Variants in FREM1 observed in about 807,000 individuals in gnomAD.
The protein encoded by FREM1 is FRAS1 related extracellular matrix 1, also known as FRAS1-related extracellular matrix protein 1.
Under a neutral mutation model 210.1 loss-of-function variants are expected in FREM1, and 220 were observed. The ratio of observed to expected loss-of-function variants is 1.05; its 90% CI spans 0.94 to 1.17. The LOEUF (loss-of-function observed/expected upper bound fraction) is 1.17. Among genes scored for constraint, FREM1 ranks in the 50% most tolerant of loss-of-function variants. The probability of loss-of-function intolerance (pLI) is 0.00; values close to 1 mark genes in which losing one functional copy is unlikely to be tolerated. For synonymous variants in FREM1, 1,189 were observed against 980.2 expected, an observed-to-expected ratio of 1.21 and a Z score of -3.98; for missense variants, 3,454 against 2,675.5, an observed-to-expected ratio of 1.29 and a Z score of -6.42.
chr9:14,749,990 A>G, intron 30 of FREM1, 137 bp downstream of exon 30: 1 of 870,782 alleles, frequency 1.1e-6, no homozygotes, highest in East Asian at 2.5e-5. Context: ...AAGGGCCTAC[A>G]TCACGACTGA....
chr9:14,889,485 C>T (rs558513256), intron 1 of FREM1, among the ~76,000 whole-genome samples: 43 of 152,042 alleles, frequency 2.8e-4, no homozygotes, highest in African/African-American at 1.0e-3. Flanking sequence ...GACCCATGGT[C>T]GTTAAATGCC....
intron 28 of FREM1, among the ~76,000 whole-genome samples, chr9:14,759,518 C>CAATAATAATAATAATAATAATAATAAT (rs6150928): frequency 0.27 from 38,225 of 142,726 alleles, 5,504 homozygotes; most frequent in East Asian, 0.39. Flanking sequence ...CTCAAAATAA[C>CAATAATAATAATAATAATAATAATAAT]AATAATAATA....
intron 9 of FREM1, 93 bp from the exon 10 acceptor site, chr9:14,841,682 G>A (rs1825721303): frequency 1.1e-6 from 1 of 932,442 alleles, no homozygotes; most frequent in Non-Finnish European, 1.5e-6. Context: ...AGTCTTATCT[G>A]TCTAGTACAT....
chr9:14,784,973 G>A (rs371099641), intron 23 of FREM1, among the ~76,000 whole-genome samples: 1 of 152,206 alleles, frequency 6.6e-6, no homozygotes, highest in Non-Finnish European at 1.5e-5. Flanking sequence ...CATAGCTCAA[G>A]AGAGTCTTGC....
chr9:14,758,741 T>C (rs1368746189), intron 28 of FREM1, among the ~76,000 whole-genome samples: 1 of 152,138 alleles, frequency 6.6e-6, no homozygotes, highest in Non-Finnish European at 1.5e-5. Context: ...AAGTGTTTCA[T>C]GCTCTCATTC....
In FREM1 at chr9:14,769,742, T is replaced by C. The variant is rs1211552660; in HGVS notation, c.5186A>G (p.Asn1729Ser). The change falls in exon 27 of 37, where the codon AAC becomes AGC. Residue 1729 changes from asparagine (N) to serine (S), a missense_variant. By Grantham distance (46) the Asn-to-Ser change is conservative. Coordinates refer to ENST00000380880, the MANE Select transcript of FREM1 (RefSeq NM_001379081.2). ...VEFQIMDPTG[N>S]SATPQILELK... ...AATTTACATTTGAGGAGTGGCCGAGTTCCCTGTGGGGTCCATGATTTGAAA... is the reference window on the plus strand; with the variant it reads ...AATTTACATTTGAGGAGTGGCCGAGCTCCCTGTGGGGTCCATGATTTGAAA... 1.2e-5 allele frequency: 19 copies of C among 1,612,462 alleles called. No individual in the cohort carries two copies. Among genetic ancestry groups the C allele is most frequent in the Non-Finnish European group, 1.6e-5 (19 of 1,179,032 alleles).
At chr9:14,892,762 C>T (rs1036907009) in intron 1 of FREM1, among the ~76,000 whole-genome samples, 2 of 152,082 alleles carry the variant, frequency 1.3e-5, no homozygotes, top group African/African-American at 4.8e-5. Context: ...TTTTCAGTGT[C>T]GCTGCAATGG....
intron 21 of FREM1, 108 bp downstream of exon 21, chr9:14,797,390 C>G (rs1320892092): frequency 1.3e-6 from 1 of 798,306 alleles, no homozygotes; most frequent in Non-Finnish European, 1.8e-6. Flanking sequence ...GTGACAGGAG[C>G]TAGCGAAGAC....
intron 1 of FREM1, among the ~76,000 whole-genome samples, chr9:14,880,375 G>A (rs1015005289): frequency 2.0e-5 from 3 of 152,058 alleles, no homozygotes; most frequent in East Asian, 3.9e-4. Context: ...AAGCCGAGGC[G>A]GGTGGATCAC....
chr9:14,884,955 C>G (rs75582888), intron 1 of FREM1, among the ~76,000 whole-genome samples: 20,789 of 111,320 alleles, frequency 0.19, 2,148 homozygotes, highest in Middle Eastern at 0.37. Context: ...GACGGAGTCT[C>G]GCTCTGTCGC....
intron 24 of FREM1, among the ~76,000 whole-genome samples, chr9:14,778,749 G>A (rs1350420012): frequency 7.0e-6 from 1 of 143,076 alleles, no homozygotes; most frequent in Non-Finnish European, 1.6e-5. Context: ...GGAAGGGAAG[G>A]AAAGGAAAGG....
At chr9:14,756,247 G>T in intron 29 of FREM1, 127 bp downstream of exon 29, 1 of 675,714 alleles carries the variant, frequency 1.5e-6, no homozygotes. Context: ...AGGTGGTATG[G>T]CTCCCTGAGG....
Position 14,806,709 on chromosome 9 carries a change from T to C in FREM1, c.3226A>G (p.Ile1076Val), listed in dbSNP as rs746253098. 3 of 1,603,936 alleles carry C rather than the reference T, an allele frequency of 1.9e-6. No individual in the cohort carries two copies. Among genetic ancestry groups the C allele is most frequent in the South Asian group, 1.1e-5 (1 of 88,488 alleles). The change falls in exon 18 of 37, where the codon ATA becomes GTA. Residue 1076 changes from isoleucine to valine, a missense_variant. Physicochemically the swap from Ile to Val is conservative, Grantham distance 29. Transcript: ENST00000380880. Reference sequence around the variant, plus strand: ...TTTTCAAAACCCACAGAAGGGAGTATATTTTCGAGGTAGCCAAACTGAGGA... The same window carrying C: ...TTTTCAAAACCCACAGAAGGGAGTACATTTTCGAGGTAGCCAAACTGAGGA... Reference protein sequence around the residue: ...SPPQFGYLENILPSVGFEKSN... With the variant: ...SPPQFGYLENVLPSVGFEKSN...
At chr9:14,813,165 T>C in intron 15 of FREM1, 101 bp from the exon 16 acceptor site, 2 of 1,253,042 alleles carry the variant, frequency 1.6e-6, no homozygotes, top group Non-Finnish European at 2.2e-6. Flanking sequence ...GGCATTTTCA[T>C]CTTACAGACA....
At chr9:14,792,431 A>G (rs2133071474) in intron 22 of FREM1, among the ~76,000 whole-genome samples, 1 of 152,246 alleles carries the variant, frequency 6.6e-6, no homozygotes, top group East Asian at 1.9e-4. Flanking sequence ...AAATGAAGAT[A>G]TCACAAAAGA....
intron 29 of FREM1, among the ~76,000 whole-genome samples, chr9:14,754,909 G>C (rs1374902087): frequency 6.6e-6 from 1 of 152,170 alleles, no homozygotes; most frequent in Admixed American, 6.5e-5. Flanking sequence ...ACTCCAGCCT[G>C]GGTGACGCAG....
In FREM1 at chr9:14,902,787, T is replaced by A. The variant is rs116371508; in HGVS notation, c.-268+7127A>T. Among the ~76,000 whole-genome samples, 938 of 152,304 alleles carry A rather than the reference T, an allele frequency of 6.2e-3. 8 individuals are homozygous for A. Among genetic ancestry groups the A allele is most frequent in the African/African-American group, 0.022 (901 of 41,568 alleles). ...GTCACCCCATCCTGCTGCCAAACTC[T>A]AAGTCCAGAGTATATTACAAACTGA... On this transcript the variant is annotated intron_variant, in intron 1 of 36. Coordinates refer to ENST00000380880, the MANE Select transcript of FREM1 (RefSeq NM_001379081.2).
Position 14,784,606 on chromosome 9 carries a change from G to C in FREM1, c.4206C>G (p.Leu1402=). ...KGDIVILTKP[L]VVSKGDRGFL... ...AACCTCTATCACCTTTAGACACCAC[G>C]AGTGGTTTTGTAAGGATGACAATAT... Residue 1402 remains leucine, a synonymous_variant, in exon 24 of 37, where the codon CTC becomes CTG. Coordinates refer to ENST00000380880, the MANE Select transcript of FREM1 (RefSeq NM_001379081.2). The C allele has an allele frequency of 6.3e-7, 1 of 1,595,124 alleles. No individual in the cohort carries two copies. The highest frequency in any genetic ancestry group is 8.6e-7 in the Non-Finnish European group (1 of 1,169,200).
intron 1 of FREM1, among the ~76,000 whole-genome samples, chr9:14,908,618 A>T (rs1487524453): frequency 6.6e-6 from 1 of 152,194 alleles, no homozygotes; most frequent in African/African-American, 2.4e-5. Flanking sequence ...CAAGCATGCA[A>T]AACCATGTTG....
Sources: allele counts gnomAD v4.1 joint callset (sites outside exome capture counted in the v4.1 genomes callset), GRCh38; gene constraint gnomAD v4.1.1; transcripts MANE v1.5; gene names NCBI Gene and HGNC (gene_info 2026-07-23, HGNC 2026-07-21).